SEC22A: variants seen among roughly 807,000 people sequenced by gnomAD.
The protein encoded by SEC22A is SEC22 homolog A, vesicle trafficking protein, also known as vesicle-trafficking protein SEC22a.
Under a neutral mutation model 35.3 loss-of-function variants are expected in SEC22A, and 22 were observed. The observed-to-expected ratio is 0.62, with a 90% confidence interval of 0.45 to 0.89. The LOEUF (loss-of-function observed/expected upper bound fraction) is 0.89. SEC22A is among the 40% of genes least tolerant of loss of function. The pLI, the probability that SEC22A is intolerant of heterozygous loss-of-function variation, is 0.00. For missense variants in SEC22A, 354 were observed against 362.5 expected (o/e 0.98, Z 0.19); for synonymous variants, 119 against 129.5 (o/e 0.92, Z 0.55).
At chr3:123,241,625 AAAG>A (rs1416866859) in intron 4 of SEC22A, among the ~76,000 whole-genome samples, 1 of 152,182 alleles carries the variant, frequency 6.6e-6, no homozygotes, top group Non-Finnish European at 1.5e-5. Flanking sequence ...GTAAGAGAAA[AAAG>A]AATTATTTTC....
chr3:123,206,276 A>G (rs984349330), intron 1 of SEC22A, among the ~76,000 whole-genome samples: 19 of 152,030 alleles, frequency 1.2e-4, no homozygotes, highest in African/African-American at 4.1e-4. Context: ...AATTTTTTTT[A>G]TAGAGACAGA....
At chr3:123,230,699 C>CAAAAAAAAA (rs376679473) in intron 4 of SEC22A, among the ~76,000 whole-genome samples, 4 of 47,390 alleles carry the variant, frequency 8.4e-5, no homozygotes, top group Non-Finnish European at 1.3e-4. Context: ...TCACTTCATG[C>CAAAAAAAAA]AAAAAAAAAA....
chr3:123,271,580 G>C lies in SEC22A; in HGVS notation c.782G>C (p.Gly261Ala). The change falls in exon 7 of 7, where the codon GGC becomes GCC. Residue 261 changes from glycine to alanine, a missense_variant. By Grantham distance (60) the Gly-to-Ala change is moderately conservative. Transcript: ENST00000492595. ...WRNVKSFLTF[G>A]LICLCNMYLY... is the part of the protein sequence containing the mutation. Reference sequence around the variant, plus strand: ...AATGTCAAATCTTTTTTGACTTTTGGCTTAATCTGTCTATGCAACATGTAT... The same window carrying C: ...AATGTCAAATCTTTTTTGACTTTTGCCTTAATCTGTCTATGCAACATGTAT... 6.2e-7 allele frequency: 1 copy of C among 1,613,948 alleles called. No individual in the cohort carries two copies. Among genetic ancestry groups the C allele is most frequent in the East Asian group, 2.2e-5 (1 of 44,882 alleles).
intron 4 of SEC22A, among the ~76,000 whole-genome samples, chr3:123,229,060 GA>G (rs1937266524): frequency 6.6e-6 from 1 of 152,110 alleles, no homozygotes; most frequent in South Asian, 2.1e-4. Context: ...AGAAAAAGCA[GA>G]AAAAATATTT....
At chr3:123,205,223 A>G (rs756418854) in intron 1 of SEC22A, among the ~76,000 whole-genome samples, 8 of 152,202 alleles carry the variant, frequency 5.3e-5, no homozygotes, top group Non-Finnish European at 1.2e-4. Flanking sequence ...CTTAAATTCA[A>G]GTGCTTTGGA....
intron 4 of SEC22A, among the ~76,000 whole-genome samples, chr3:123,244,506 C>T (rs1937551359): frequency 6.6e-6 from 1 of 152,006 alleles, no homozygotes; most frequent in African/African-American, 2.4e-5. Flanking sequence ...TGAATAGTGA[C>T]ATTTAATTTT....
chr3:123,229,817 G>A (rs574910866), intron 4 of SEC22A, among the ~76,000 whole-genome samples: 34 of 151,808 alleles, frequency 2.2e-4, no homozygotes, highest in East Asian at 1.4e-3. Context: ...AGCCGAGATC[G>A]CGCCACTGTG....
intron 2 of SEC22A, among the ~76,000 whole-genome samples, chr3:123,213,614 A>T (rs1432180747): frequency 6.6e-6 from 1 of 152,086 alleles, no homozygotes; most frequent in Non-Finnish European, 1.5e-5. Flanking sequence ...TTTTTAATTT[A>T]ATTTTATTTC....
chr3:123,247,727 G>A (rs1937578518), intron 5 of SEC22A, among the ~76,000 whole-genome samples: 1 of 152,148 alleles, frequency 6.6e-6, no homozygotes, highest in East Asian at 1.9e-4. Flanking sequence ...CCACTTAAGT[G>A]TAACTGACTG....
At chr3:123,205,002 A>G (rs534077464) in intron 1 of SEC22A, among the ~76,000 whole-genome samples, 211 of 152,308 alleles carry the variant, frequency 1.4e-3, no homozygotes, top group Non-Finnish European at 2.2e-3. Context: ...TAGGCCTGAC[A>G]TGGACAGATT....
intron 5 of SEC22A, 44 bp downstream of exon 5, chr3:123,246,058 T>C (rs1559760177): frequency 1.1e-6 from 1 of 908,262 alleles, no homozygotes; most frequent in Non-Finnish European, 1.8e-6. Context: ...TGCCTCTTCA[T>C]TCTACTGGTT....
intron 4 of SEC22A, among the ~76,000 whole-genome samples, chr3:123,233,004 T>C (rs1338306518): frequency 6.6e-6 from 1 of 151,978 alleles, no homozygotes; most frequent in Non-Finnish European, 1.5e-5. Context: ...ATGGTATGCA[T>C]GTGTAGTCCC....
intron 2 of SEC22A, among the ~76,000 whole-genome samples, chr3:123,214,556 ATC>A (rs1327907921): frequency 6.6e-6 from 1 of 152,190 alleles, no homozygotes. Flanking sequence ...TAAGGAATTC[ATC>A]TGTTTTATAA....
In SEC22A at chr3:123,264,068, AT is replaced by A. The variant is rs1937963615; in HGVS notation, c.723+4483del. Among the ~76,000 whole-genome samples, 3 of 151,800 alleles carry A rather than the reference AT, an allele frequency of 2.0e-5. No homozygotes were observed. In the South Asian group the frequency reaches 6.3e-4, roughly 32 times the overall value. On this transcript the variant is annotated intron_variant, in intron 6 of 6. Coordinates refer to ENST00000492595, the MANE Select transcript of SEC22A (RefSeq NM_012430.5). ...AGATGTGTGCTGCCACACCCAGCTA[AT>A]TTTCTGATTTATTTTTGTAGAGACG... is the stretch of plus-strand genomic sequence containing the variant.
chr3:123,252,986 A>T (rs939157848), intron 5 of SEC22A, among the ~76,000 whole-genome samples: 1 of 152,186 alleles, frequency 6.6e-6, no homozygotes, highest in African/African-American at 2.4e-5. Flanking sequence ...TACCTTATGA[A>T]GGCATAAGCT....
chr3:123,233,782 A>C (rs915208690), intron 4 of SEC22A, among the ~76,000 whole-genome samples: 8 of 152,230 alleles, frequency 5.3e-5, no homozygotes, highest in Non-Finnish European at 1.2e-4. Context: ...CCTAAGATCC[A>C]GGGACAAGAC....
chr3:123,223,956 A>G (rs1334786548), intron 3 of SEC22A, among the ~76,000 whole-genome samples: 1 of 152,228 alleles, frequency 6.6e-6, no homozygotes, highest in Non-Finnish European at 1.5e-5. Flanking sequence ...GCCAGAGGAT[A>G]ACTTCTCAAT....
intron 5 of SEC22A, among the ~76,000 whole-genome samples, chr3:123,250,279 G>A (rs746906840): frequency 9.2e-5 from 14 of 152,088 alleles, no homozygotes; most frequent in East Asian, 7.7e-4. Context: ...GTGTGGTGGC[G>A]CACGCCTATA....
intron 2 of SEC22A, among the ~76,000 whole-genome samples, chr3:123,223,056 T>C (rs1174027495): frequency 6.6e-6 from 1 of 152,228 alleles, no homozygotes; most frequent in Non-Finnish European, 1.5e-5. Context: ...CATAATTAAT[T>C]ACTGTGTAAA....
Sources: allele counts gnomAD v4.1 joint callset (sites outside exome capture counted in the v4.1 genomes callset), GRCh38; gene constraint gnomAD v4.1.1; transcripts MANE v1.5; gene names NCBI Gene and HGNC (gene_info 2026-07-23, HGNC 2026-07-21).